The following ZNF140 variants were observed in gnomAD, a reference collection of about 807,000 sequenced individuals.
ZNF140 encodes the protein zinc finger protein 140 (clone pHZ-39).
A neutral mutation model predicts 12.9 loss-of-function variants in ZNF140; 13 were observed. The observed-to-expected ratio is 1.01, with a 90% CI of 0.66 to 1.60. ZNF140 has a LOEUF of 1.60. Among genes scored for constraint, ZNF140 ranks in the 40% most tolerant of loss-of-function variants. The probability of loss-of-function intolerance (pLI) is 0.00; values close to 1 mark genes in which losing one functional copy is unlikely to be tolerated. For missense variants in ZNF140, 531 were observed against 548.8 expected (o/e 0.97, Z 0.32); for synonymous variants, 214 against 186.7 (o/e 1.15, Z -1.19).
upstream of ZNF140, chr12:133,080,907 G>A (rs950813894): frequency 6.5e-6 from 1 of 153,110 alleles, no homozygotes; most frequent in Non-Finnish European, 1.5e-5. Flanking sequence ...AGGGGCCCTG[G>A]GGGGCGGCGC....
chr12:133,090,848 A>T (rs185925652), intron 4 of ZNF140, among the ~76,000 whole-genome samples: 1 of 114,212 alleles, frequency 8.8e-6, no homozygotes, highest in African/African-American at 3.2e-5. Flanking sequence ...TACTATGCCT[A>T]GATGTGCATG....
At chr12:133,091,647 T>C (rs1393464141) in intron 4 of ZNF140, among the ~76,000 whole-genome samples, 1 of 150,816 alleles carries the variant, frequency 6.6e-6, no homozygotes, top group Non-Finnish European at 1.5e-5. Context: ...AGACTAATAA[T>C]AGAAAGGACA....
intron 2 of ZNF140, chr12:133,082,668 C>G (rs1954542716): frequency 6.4e-6 from 1 of 156,544 alleles, no homozygotes; most frequent in East Asian, 1.8e-4. Context: ...ACTGTATGCC[C>G]CATTTGAAGG....
intron 4 of ZNF140, among the ~76,000 whole-genome samples, chr12:133,103,885 G>A (rs1955460337): frequency 6.6e-6 from 1 of 152,202 alleles, no homozygotes; most frequent in Non-Finnish European, 1.5e-5. Context: ...GAAGAGGCAA[G>A]AAAGGAATTT....
At position 133,095,780 on chromosome 12, in the gene ZNF140, C is replaced by A. The variant is rs369123708; in HGVS notation, c.233-9730C>A. On this transcript the variant is annotated intron_variant, in intron 4 of 4. Coordinates refer to ENST00000355557, the MANE Select transcript of ZNF140 (RefSeq NM_003440.4). The stretch of plus-strand genomic sequence containing the variant: ...ATTAGGTTTAAGGGAAGGTACTATG[C>A]CTGGATGTGCACGTAATCCAGATTT... Among the ~76,000 whole-genome samples, 1,114 of 149,560 alleles carry A rather than the reference C, an allele frequency of 7.4e-3. 1 individual carries two copies. Among genetic ancestry groups the A allele is most frequent in the Middle Eastern group, 0.011 (3 of 282 alleles).
In ZNF140 at chr12:133,083,160, C is replaced by T. The variant is rs1440580408; in HGVS notation, c.67C>T (p.Leu23Phe). 4 of 1,614,090 alleles carry T rather than the reference C, an allele frequency of 2.5e-6. No homozygotes were observed. The highest frequency in any genetic ancestry group is 3.4e-6 in the Non-Finnish European group (4 of 1,180,038). The change falls in exon 3 of 5, where the codon CTT becomes TTT. Residue 23 changes from leucine to phenylalanine, a missense_variant. By Grantham distance (22) the Leu-to-Phe change is conservative (BLOSUM62 0). Transcript: ENST00000355557. ...CTTCTCCCAGGAGGAGTGGAAATGG[C>T]TTCAGCCTGCTCAAAGAGATTTGTA... is the stretch of plus-strand genomic sequence containing the variant. ...IDFSQEEWKWLQPAQRDLYRC... is the reference protein window; with the variant it reads ...IDFSQEEWKWFQPAQRDLYRC...
At chr12:133,096,461 C>G (rs999862996) in intron 4 of ZNF140, among the ~76,000 whole-genome samples, 1 of 152,176 alleles carries the variant, frequency 6.6e-6, no homozygotes, top group African/African-American at 2.4e-5. Context: ...AGTCTGATCT[C>G]CCTCTCTTTT....
intron 4 of ZNF140, among the ~76,000 whole-genome samples, chr12:133,083,919 C>G (rs1440914407): frequency 6.7e-6 from 1 of 149,562 alleles, no homozygotes; most frequent in Non-Finnish European, 1.5e-5. Flanking sequence ...GAGATTGCGC[C>G]ACTGCACTGC....
chr12:133,102,121 T>C (rs1411397206), intron 4 of ZNF140, among the ~76,000 whole-genome samples: 1 of 152,216 alleles, frequency 6.6e-6, no homozygotes, highest in African/African-American at 2.4e-5. Flanking sequence ...GCTTCTGGAC[T>C]AAGAACTTAA....
intron 4 of ZNF140, among the ~76,000 whole-genome samples, chr12:133,094,249 T>G (rs1954991399): frequency 6.6e-6 from 1 of 151,296 alleles, no homozygotes; most frequent in Non-Finnish European, 1.5e-5. Context: ...GTCTGACAAA[T>G]AGTTGGACTA....
intron 4 of ZNF140, among the ~76,000 whole-genome samples, chr12:133,089,867 T>G: frequency 6.6e-6 from 1 of 151,380 alleles, no homozygotes; most frequent in Admixed American, 6.6e-5. Context: ...TTTTTTTTTT[T>G]GAGACAGAGT....
rs1954559998 is a variant in ZNF140 at position 133,083,123 on chromosome 12, T to C, written c.30T>C (p.Asp10=). Residue 10 remains aspartate (D), a synonymous_variant, in exon 3 of 5, where the codon GAT becomes GAC. Transcript: ENST00000355557. The part of the protein sequence containing the change: MSQGSVTFR[D]VAIDFSQEEW... The stretch of plus-strand genomic sequence containing the variant: ...TTCAGGGGTCAGTGACATTCAGAGA[T>C]GTGGCCATAGACTTCTCCCAGGAGG... 6.2e-7 allele frequency: 1 copy of C among 1,614,096 alleles called. No homozygotes were observed. Among genetic ancestry groups the C allele is most frequent in the Non-Finnish European group, 8.5e-7 (1 of 1,180,042 alleles).
chr12:133,097,122 C>T (rs1375348338), intron 4 of ZNF140, among the ~76,000 whole-genome samples: 1 of 152,158 alleles, frequency 6.6e-6, no homozygotes, highest in Admixed American at 6.5e-5. Flanking sequence ...CTTCTTTAAC[C>T]TTGCTCTGAA....
At chr12:133,101,849 C>T (rs1285537058) in intron 4 of ZNF140, among the ~76,000 whole-genome samples, 3 of 152,164 alleles carry the variant, frequency 2.0e-5, no homozygotes, top group Admixed American at 1.3e-4. Flanking sequence ...TACTTTTTCC[C>T]AGTAAAACTG....
chr12:133,095,776 T>C (rs1423641719), intron 4 of ZNF140, among the ~76,000 whole-genome samples: 1 of 143,416 alleles, frequency 7.0e-6, no homozygotes, highest in Non-Finnish European at 1.5e-5. Context: ...GGGAAGGTAC[T>C]ATGCCTGGAT....
intron 4 of ZNF140, among the ~76,000 whole-genome samples, chr12:133,091,246 T>A (rs1430327347): frequency 7.0e-6 from 1 of 143,144 alleles, no homozygotes; most frequent in African/African-American, 2.5e-5. Flanking sequence ...TGCAGTGCAC[T>A]GTGCCCTGGT....
intron 4 of ZNF140, among the ~76,000 whole-genome samples, chr12:133,103,348 TC>T (rs1955431337): frequency 6.6e-6 from 1 of 152,190 alleles, no homozygotes; most frequent in South Asian, 2.1e-4. Flanking sequence ...TTGCCTGAAT[TC>T]CTGGGTTCAA....
At position 133,081,348 on chromosome 12, in the gene ZNF140, A is replaced by AAAATATATATATATAT. The variant is rs1555291953; in HGVS notation, c.9+20_9+21insAATATATATATATATA. The AAAATATATATATATAT allele has an allele frequency of 2.5e-5, 8 of 318,828 alleles. No homozygotes were observed. The highest frequency in any genetic ancestry group is 4.6e-5 in the Non-Finnish European group (8 of 172,520). 19.7% of individuals were successfully genotyped at this position (318,828 alleles called of 1,614,324 possible). A position where few individuals can be genotyped will look rare whatever the true frequency, so the allele number is the denominator to read the frequency against. On this transcript the variant is annotated intron_variant, in intron 2 of 4. Coordinates refer to ENST00000355557, the MANE Select transcript of ZNF140 (RefSeq NM_003440.4). ...GTCTCAGGTAAGCTAATGATTGATA[A>AAAATATATATATATAT]ATATATATATATATATATATATAAA...
chr12:133,081,816 T>C, intron 2 of ZNF140: 1 of 244,566 alleles, frequency 4.1e-6, no homozygotes, highest in South Asian at 3.5e-5. Flanking sequence ...ATGTTTTTAC[T>C]GAACCTCTAC....
Sources: gnomAD v4.1 joint callset for allele counts (sites outside exome capture counted in the v4.1 genomes callset) on GRCh38, gnomAD v4.1.1 for gene constraint, MANE v1.5 for transcripts, NCBI Gene and HGNC (gene_info 2026-07-23, HGNC 2026-07-21) for gene names.